The following AGAP4 variants were observed in gnomAD, a reference collection of about 807,000 sequenced individuals.
The protein encoded by AGAP4 is arf-GAP with GTPase, ANK repeat and PH domain-containing protein 4.
A neutral mutation model predicts 60.7 loss-of-function variants in AGAP4; 13 were observed. The ratio of observed to expected loss-of-function variants is 0.21; its 90% confidence interval spans 0.14 to 0.34. The LOEUF (loss-of-function observed/expected upper bound fraction) is 0.34. Ranked by LOEUF, AGAP4 falls within the 10% of genes least tolerant of loss-of-function variation. AGAP4 has a pLI of 1.00. For missense variants in AGAP4, 169 were observed against 884.0 expected (o/e 0.19, Z 10.26); for synonymous variants, 70 against 339.0 (o/e 0.21, Z 8.72).
At chr10:45,831,751 A>AT (rs1186514125) in intron 5 of AGAP4, among the ~76,000 whole-genome samples, 1 of 106,278 alleles carries the variant, frequency 9.4e-6, no homozygotes, top group Non-Finnish European at 2.0e-5. Flanking sequence ...GTATTTATTT[A>AT]TTTTTTGACC....
At position 45,832,030 on chromosome 10, in the gene AGAP4, C is replaced by T. The variant is rs1314653209; in HGVS notation, c.498-601G>A. The stretch of plus-strand genomic sequence containing the variant: ...GTTCAAGAGATTCTCCTGCCTCAGC[C>T]TCCCAAGTGGCTGGGATTACAGGCA... On this transcript the variant is annotated intron_variant, in intron 5 of 7. Coordinates refer to ENST00000616763, the MANE Select transcript of AGAP4 (RefSeq NM_001276343.3). Among the ~76,000 whole-genome samples the T allele has an allele frequency of 1.6e-4, 22 of 136,384 alleles. 1 individual carries two copies. The highest frequency in any genetic ancestry group is 1.6e-3 in the Admixed American group (22 of 13,726). 89.5% of individuals were successfully genotyped at this position (136,384 alleles called of 152,430 possible). A position where few individuals can be genotyped will look rare whatever the true frequency, so the allele number is the denominator to read the frequency against.
chr10:45,849,733 T>C (rs1554900126), upstream of AGAP4, among the ~76,000 whole-genome samples: 13 of 150,910 alleles, frequency 8.6e-5, no homozygotes, highest in South Asian at 2.1e-3. Context: ...CTCCGCCTCC[T>C]GGGCTCAAGC....
At position 45,847,480 on chromosome 10, in the gene AGAP4, G is replaced by C; in HGVS notation, c.-133C>G. On this transcript the variant is annotated 5_prime_UTR_variant, in exon 1 of 8. Transcript: ENST00000616763. ...CCGCTCCTCGCCTGCCCACCTCACA[G>C]CGCGGCCCCGGGCACCAGCCCTGGC... The C allele has an allele frequency of 6.5e-7, 1 of 1,529,940 alleles. No homozygotes were observed. The allele number at this position is 1,529,940 out of a possible 1,614,324, so 94.8% of individuals were successfully genotyped here. A position where few individuals can be genotyped will look rare whatever the true frequency, so the allele number is the denominator to read the frequency against.
upstream of AGAP4, among the ~76,000 whole-genome samples, chr10:45,850,102 G>T (rs1590044413): frequency 4.6e-5 from 7 of 151,886 alleles, no homozygotes; most frequent in Admixed American, 4.6e-4. Flanking sequence ...GCTAATGTTT[G>T]TATTTTAGTA....
At chr10:45,854,690 A>G (rs2059121092), upstream of AGAP4, 2 of 150,938 alleles carry the variant, frequency 1.3e-5, no homozygotes, top group South Asian at 2.1e-4. Flanking sequence ...AGAATAAACA[A>G]CCCATGTCAA....
chr10:45,846,080 G>C (rs1419415390), intron 2 of AGAP4, among the ~76,000 whole-genome samples: 16 of 141,194 alleles, frequency 1.1e-4, no homozygotes, highest in Non-Finnish European at 6.1e-5. Context: ...TGAAAGTTTT[G>C]ACCATGAACC....
chr10:45,849,344 G>A (rs1218421614), upstream of AGAP4, among the ~76,000 whole-genome samples: 146 of 151,684 alleles, frequency 9.6e-4, 1 homozygote, highest in African/African-American at 3.2e-3. Flanking sequence ...CCCCTCCCTC[G>A]ACACATCAGG....
rs2059004566 is a variant in AGAP4, at chr10:45,846,687, C to CG, written c.291_292insC (p.Ala98ArgfsTer5). ...AGAGCTACAGACACTGTTGTCTCACCATCTGTTTGAGAGTTCCTCTGGAAT... is the reference window on the plus strand; with the variant it reads ...AGAGCTACAGACACTGTTGTCTCACCGATCTGTTTGAGAGTTCCTCTGGAAT... On this transcript the variant is annotated frameshift_variant and splice_region_variant, in exon 2 of 8. Coordinates refer to ENST00000616763, the MANE Select transcript of AGAP4 (RefSeq NM_001276343.3). LOFTEE classifies it high-confidence loss of function. 2 of 1,118,032 alleles carry CG rather than the reference C, an allele frequency of 1.8e-6. No individual in the cohort carries two copies. Among genetic ancestry groups the CG allele is most frequent in the African/African-American group, 3.2e-5 (2 of 61,594 alleles). The allele number at this position is 1,118,032 out of a possible 1,614,324, so 69.3% of individuals were successfully genotyped here. A position where few individuals can be genotyped will look rare whatever the true frequency, so the allele number is the denominator to read the frequency against.
At chr10:45,836,355 C>G (rs1383638368) in intron 4 of AGAP4, among the ~76,000 whole-genome samples, 2 of 151,720 alleles carry the variant, frequency 1.3e-5, no homozygotes, top group Admixed American at 1.3e-4. Flanking sequence ...TCTCCTGAAA[C>G]TTTGCTGAAT....
Position 45,843,731 on chromosome 10 carries a change from G to A in AGAP4, c.361+595C>T, listed in dbSNP as rs1396878678. Among the ~76,000 whole-genome samples the A allele has an allele frequency of 7.0e-5, 10 of 142,410 alleles. 1 individual carries two copies. Among genetic ancestry groups the A allele is most frequent in the African/African-American group, 2.7e-4 (10 of 36,514 alleles). 93.4% of individuals were successfully genotyped at this position (142,410 alleles called of 152,430 possible). A position where few individuals can be genotyped will look rare whatever the true frequency, so the allele number is the denominator to read the frequency against. On this transcript the variant is annotated intron_variant, in intron 3 of 7. Coordinates refer to ENST00000616763, the MANE Select transcript of AGAP4 (RefSeq NM_001276343.3). ...GTATGGCTTGTTGGCAAATAAATGA[G>A]GATTTAATATAACATTAAGGGAAAT... is the stretch of plus-strand genomic sequence containing the variant.
intron 7 of AGAP4, among the ~76,000 whole-genome samples, chr10:45,827,726 C>A (rs2135918285): frequency 2.5e-5 from 1 of 39,290 alleles, no homozygotes; most frequent in East Asian, 5.1e-4. Flanking sequence ...GCAGAGCCTG[C>A]AGTGAGCCAA....
At chr10:45,832,176 A>AGC (rs2058743319) in intron 5 of AGAP4, among the ~76,000 whole-genome samples, 1 of 142,534 alleles carries the variant, frequency 7.0e-6, no homozygotes, top group Admixed American at 7.0e-5. Context: ...CTGTAACATT[A>AGC]GCAGGTAAGA....
At position 45,845,347 on chromosome 10, in the gene AGAP4, T is replaced by A. The variant is rs532616778; in HGVS notation, c.293-953A>T. On this transcript the variant is annotated intron_variant, in intron 2 of 7. Coordinates refer to ENST00000616763, the MANE Select transcript of AGAP4 (RefSeq NM_001276343.3). Reference sequence around the variant, plus strand: ...AATAGAAGAGCTATAAGACATTTCCTCTACAGTGATGAAATCTCTGGCATT... The same window carrying A: ...AATAGAAGAGCTATAAGACATTTCCACTACAGTGATGAAATCTCTGGCATT... 4.5e-4 allele frequency among the ~76,000 whole-genome samples: 43 copies of A among 96,226 alleles called. 12 individuals carry two copies. Among genetic ancestry groups the A allele is most frequent in the South Asian group, 1.1e-3 (2 of 1,846 alleles). 63.1% of individuals were successfully genotyped at this position (96,226 alleles called of 152,430 possible).
At chr10:45,834,773 AATTT>A (rs1242855668) in intron 4 of AGAP4, among the ~76,000 whole-genome samples, 320 of 135,364 alleles carry the variant, frequency 2.4e-3, no homozygotes, top group Non-Finnish European at 2.6e-3. Context: ...TTAATTAATT[AATTT>A]ATTTATTTAT....
chr10:45,844,089 A>T (rs1352713965), intron 3 of AGAP4, among the ~76,000 whole-genome samples: 2 of 150,596 alleles, frequency 1.3e-5, no homozygotes, highest in Non-Finnish European at 2.9e-5. Flanking sequence ...CCTCCATCAC[A>T]TCACAAATTA....
intron 4 of AGAP4, among the ~76,000 whole-genome samples, chr10:45,839,532 G>A (rs3964859): frequency 4.7e-5 from 6 of 128,600 alleles, no homozygotes; most frequent in Non-Finnish European, 8.5e-5. Flanking sequence ...AACTTTCTTC[G>A]CTAACTCTGC....
At chr10:45,838,088 T>C (rs1434594515) in intron 4 of AGAP4, among the ~76,000 whole-genome samples, 1 of 150,028 alleles carries the variant, frequency 6.7e-6, no homozygotes, top group Non-Finnish European at 1.5e-5. Flanking sequence ...TACATATATA[T>C]ATATATATGA....
At chr10:45,853,312 T>C (rs1327263547) in intron 1 of AGAP4, among the ~76,000 whole-genome samples, 7 of 151,260 alleles carry the variant, frequency 4.6e-5, no homozygotes, top group East Asian at 1.9e-4. Context: ...AAGCGAATAA[T>C]AGTCTTCCAC....
At chr10:45,840,078 G>C (rs1590031660) in intron 4 of AGAP4, among the ~76,000 whole-genome samples, 1 of 149,526 alleles carries the variant, frequency 6.7e-6, no homozygotes, top group Non-Finnish European at 1.5e-5. Flanking sequence ...TAGTCTGCAG[G>C]TTTAGTAGCC....
Sources: allele counts gnomAD v4.1 joint callset (sites outside exome capture counted in the v4.1 genomes callset), GRCh38; gene constraint gnomAD v4.1.1; transcripts MANE v1.5; gene names NCBI Gene and HGNC (gene_info 2026-07-23, HGNC 2026-07-21).